Variants in SGCD observed in about 807,000 individuals in gnomAD.
The protein encoded by SGCD is delta-sarcoglycan.
In SGCD, 18 loss-of-function variants were observed where a neutral mutation model predicts 36.6. The observed-to-expected ratio is 0.49, with a 90% confidence interval of 0.34 to 0.73. SGCD has a LOEUF of 0.73. Among genes scored for constraint, SGCD ranks in the 30% least tolerant of loss-of-function variants. The pLI, the probability that SGCD is intolerant of heterozygous loss-of-function variation, is 0.01. For missense variants in SGCD, 387 were observed against 346.7 expected (o/e 1.12, Z -0.92); for synonymous variants, 133 against 130.6 (o/e 1.02, Z -0.12).
chr5:155,861,505 A>G, the SGCD span, among the ~76,000 whole-genome samples: 1 of 151,940 alleles, frequency 6.6e-6, no homozygotes, highest in Non-Finnish European at 1.5e-5. Flanking sequence ...TACTAAAAAA[A>G]GAAAGAGATC....
chr5:156,643,897 A>G (rs1046255319), intron 6 of SGCD, among the ~76,000 whole-genome samples: 1 of 152,268 alleles, frequency 6.6e-6, no homozygotes, highest in East Asian at 1.9e-4. Flanking sequence ...TATTCATCAG[A>G]TATTTTAACT....
intron 4 of SGCD, among the ~76,000 whole-genome samples, chr5:156,582,821 G>GCGCA (rs1229162471): frequency 4.4e-4 from 67 of 150,664 alleles, no homozygotes; most frequent in African/African-American, 1.6e-3. Context: ...ATGTGCACGC[G>GCGCA]CACACACACA....
At chr5:156,375,253 T>C (rs1770598304) in intron 3 of SGCD, among the ~76,000 whole-genome samples, 1 of 152,200 alleles carries the variant, frequency 6.6e-6, no homozygotes, top group South Asian at 2.1e-4. Flanking sequence ...TCAATGTGTA[T>C]TTCCTAAGAA....
chr5:156,481,529 T>G (rs1257784212), intron 3 of SGCD, among the ~76,000 whole-genome samples: 1 of 152,212 alleles, frequency 6.6e-6, no homozygotes, highest in Non-Finnish European at 1.5e-5. Context: ...AAACTACATC[T>G]GCCAGCCCAA....
the SGCD span, among the ~76,000 whole-genome samples, chr5:155,818,438 G>C: frequency 2.0e-5 from 3 of 152,156 alleles, no homozygotes; most frequent in Non-Finnish European, 4.4e-5. Flanking sequence ...GGGTAAGGCT[G>C]AAATCATCGT....
At chr5:156,398,851 A>G (rs1396423150) in intron 3 of SGCD, among the ~76,000 whole-genome samples, 1 of 152,112 alleles carries the variant, frequency 6.6e-6, no homozygotes, top group Non-Finnish European at 1.5e-5. Context: ...CTTTGGGTAT[A>G]TTGTCTAATA....
chr5:156,668,985 G>A (rs1004845750), intron 7 of SGCD, among the ~76,000 whole-genome samples: 3 of 152,136 alleles, frequency 2.0e-5, no homozygotes, highest in African/African-American at 7.2e-5. Flanking sequence ...AAGGGCCTGG[G>A]TCAGCACTCT....
rs184499757 is a variant in SGCD, at chr5:156,743,488, T to C, written c.576-14093T>C. On this transcript the variant is annotated intron_variant, in intron 7 of 8. Coordinates refer to ENST00000337851, the MANE Select transcript of SGCD (RefSeq NM_000337.6). ...CATAAAATTACTTTCTTTCTAAAAG[T>C]CTTTATGCTGAATGCTGGTCCTTCT... Among the ~76,000 whole-genome samples, 212 of 152,362 alleles carry C rather than the reference T, an allele frequency of 1.4e-3. 6 individuals are homozygous for C. The highest frequency in any genetic ancestry group is 0.014 in the Admixed American group (210 of 15,306).
intron 6 of SGCD, among the ~76,000 whole-genome samples, chr5:156,607,062 G>A (rs953783048): frequency 3.3e-5 from 5 of 152,116 alleles, no homozygotes; most frequent in African/African-American, 1.2e-4. Context: ...AATTGCCCTG[G>A]CCAGAACTTC....
At chr5:156,330,303 AAGCC>A (rs777248216) in intron 2 of SGCD, among the ~76,000 whole-genome samples, 1 of 152,274 alleles carries the variant, frequency 6.6e-6, no homozygotes, top group Non-Finnish European at 1.5e-5. Context: ...ATAGTTTCCT[AAGCC>A]ACGTCTGACG....
chr5:156,375,906 T>G (rs1314171807), intron 3 of SGCD, among the ~76,000 whole-genome samples: 1 of 152,226 alleles, frequency 6.6e-6, no homozygotes, highest in East Asian at 1.9e-4. Context: ...TTATTTATTT[T>G]TATTAAAATT....
intron 6 of SGCD, among the ~76,000 whole-genome samples, chr5:156,635,337 A>G (rs1162953694): frequency 6.6e-6 from 1 of 152,218 alleles, no homozygotes; most frequent in Non-Finnish European, 1.5e-5. Context: ...ACAATGAGAT[A>G]CCATCTGTCA....
At chr5:155,740,088 A>G in the SGCD span, among the ~76,000 whole-genome samples, 1 of 152,140 alleles carries the variant, frequency 6.6e-6, no homozygotes, top group Non-Finnish European at 1.5e-5. Context: ...TTTTTATTGA[A>G]TGACATATGT....
At chr5:156,051,531 A>C (rs1759915929) in intron 1 of SGCD, among the ~76,000 whole-genome samples, 3 of 146,330 alleles carry the variant, frequency 2.1e-5, no homozygotes, top group African/African-American at 7.4e-5. Flanking sequence ...AGATAGTACA[A>C]CAAATACTAT....
intron 4 of SGCD, among the ~76,000 whole-genome samples, chr5:156,530,548 A>ATTTCT (rs1260304837): frequency 4.7e-5 from 7 of 149,130 alleles, no homozygotes; most frequent in African/African-American, 1.5e-4. Flanking sequence ...GCCATGCTTT[A>ATTTCT]TTTCTTTTCT....
At chr5:156,439,976 G>A (rs1015696765) in intron 3 of SGCD, among the ~76,000 whole-genome samples, 5 of 151,936 alleles carry the variant, frequency 3.3e-5, no homozygotes, top group Non-Finnish European at 7.4e-5. Flanking sequence ...TTTTTTAATT[G>A]AGGTGAAATT....
In SGCD at chr5:156,207,012, T is replaced by G. The variant is rs916520361; in HGVS notation, c.-44+82993T>G. 5.3e-5 allele frequency among the ~76,000 whole-genome samples: 8 copies of G among 152,132 alleles called. No homozygotes were observed. The South Asian group carries it at 6.2e-4, about 12-fold the overall frequency. ...TCAAAAAGATATTAATAAAATGTTC[T>G]TTTATTGGTGAATATATCCCTTTGA... On this transcript the variant is annotated intron_variant, in intron 3 of 9. Transcript: ENST00000517913.
intron 1 of SGCD, among the ~76,000 whole-genome samples, chr5:156,102,249 G>A (rs944102507): frequency 1.3e-5 from 2 of 151,872 alleles, no homozygotes; most frequent in African/African-American, 4.8e-5. Context: ...AAATTAGAGG[G>A]TTGCTAATGT....
At chr5:156,229,834 T>C (rs1222440443) in intron 3 of SGCD, among the ~76,000 whole-genome samples, 1 of 152,162 alleles carries the variant, frequency 6.6e-6, no homozygotes, top group Admixed American at 6.5e-5. Context: ...ATCTCAGACT[T>C]CTTGGAAGCT....
Sources: allele counts gnomAD v4.1 joint callset (sites outside exome capture counted in the v4.1 genomes callset), GRCh38; gene constraint gnomAD v4.1.1; transcripts MANE v1.5; gene names NCBI Gene and HGNC (gene_info 2026-07-23, HGNC 2026-07-21).